ESR2: variants seen among roughly 807,000 people sequenced by gnomAD.
The protein encoded by ESR2 is estrogen receptor 2, also known as estrogen receptor beta.
Under a neutral mutation model 49.6 loss-of-function variants are expected in ESR2, and 36 were observed. The observed-to-expected ratio is 0.73, with a 90% CI of 0.56 to 0.96. The LOEUF (loss-of-function observed/expected upper bound fraction) is 0.96, where lower values mean the gene tolerates loss of function less well. ESR2 is among the 40% of genes least tolerant of loss of function. The pLI is 0.00. For missense variants in ESR2, 714 were observed against 693.0 expected, an observed-to-expected ratio of 1.03 and a Z score of -0.34; for synonymous variants, 320 against 266.1, an observed-to-expected ratio of 1.20 and a Z score of -1.97.
At position 64,230,865 on chromosome 14, in the gene ESR2, T is replaced by TTATATATATATATATATATATA. The variant is rs10589699; in HGVS notation, c.*2250_*2271dup. 1 of 125,632 alleles carries TTATATATATATATATATATATA rather than the reference T, an allele frequency of 8.0e-6. No individual in the cohort carries two copies. The highest frequency in any genetic ancestry group is 3.2e-5 in the African/African-American group (1 of 31,722). The allele number at this position is 125,632 out of a possible 1,614,324, so 7.8% of individuals were successfully genotyped here. A position where few individuals can be genotyped will look rare whatever the true frequency, so the allele number is the denominator to read the frequency against. ...AAGATCTACTCTCAAAAAAAAAAAATTATATATATATATATATATATATTT... is the reference window on the plus strand; with the variant it reads ...AAGATCTACTCTCAAAAAAAAAAAATTATATATATATATATATATATATATATATATATATATATATATATTT... On this transcript the variant is annotated 3_prime_UTR_variant, in exon 9 of 9. Coordinates refer to ENST00000341099, the MANE Select transcript of ESR2 (RefSeq NM_001437.3).
chr14:64,235,135 A>T lies in ESR2; in HGVS notation c.1241T>A (p.Val414Asp). The T allele has an allele frequency of 1.2e-6, 2 of 1,613,686 alleles. No homozygotes were observed. Among genetic ancestry groups the T allele is most frequent in the Non-Finnish European group, 1.7e-6 (2 of 1,180,008 alleles). The change falls in exon 8 of 9, where the codon GTC becomes GAC. Residue 414 changes from valine (V) to aspartate (D), a missense_variant. Transcript: ENST00000341099. The part of the protein sequence containing the change: ...ILLNSSMYPL[V>D]TATQDADSSR... Reference sequence around the variant, plus strand: ...GCTGTCAGCATCCTGGGTCGCTGTGACCAGAGGGTACATACCTGGACAAAG... The same window carrying T: ...GCTGTCAGCATCCTGGGTCGCTGTGTCCAGAGGGTACATACCTGGACAAAG...
chr14:64,337,496 C>T (rs1196895637), intron 1 of ESR2: 1 of 152,166 alleles, frequency 6.6e-6, no homozygotes, highest in Non-Finnish European at 1.5e-5. Context: ...TTACACTGTA[C>T]CTCTAAAATA....
chr14:64,250,907 T>C (rs2075973318), intron 6 of ESR2, among the ~76,000 whole-genome samples: 1 of 152,112 alleles, frequency 6.6e-6, no homozygotes, highest in African/African-American at 2.4e-5. Flanking sequence ...AGCATGCAAA[T>C]TGCTCACTTT....
chr14:64,317,686 A>G (rs1055646452), intron 1 of ESR2, among the ~76,000 whole-genome samples: 1 of 152,322 alleles, frequency 6.6e-6, no homozygotes, highest in African/African-American at 2.4e-5. Flanking sequence ...CCTTAATTCC[A>G]GAGATGCAAG....
intron 1 of ESR2, among the ~76,000 whole-genome samples, chr14:64,283,389 T>A (rs2076720026): frequency 6.6e-6 from 1 of 152,084 alleles, no homozygotes. Context: ...AAAGTTCTTA[T>A]GGAAAAATAA....
chr14:64,237,992 CATT>C (rs1185906099), intron 7 of ESR2, among the ~76,000 whole-genome samples: 2 of 152,132 alleles, frequency 1.3e-5, no homozygotes, highest in African/African-American at 2.4e-5. Flanking sequence ...AAACTAAAAA[CATT>C]GAACTGTATA....
chr14:64,230,094 C>T lies in ESR2; in HGVS notation c.*3043G>A, dbSNP rs1395957178. 2.0e-5 allele frequency among the ~76,000 whole-genome samples: 3 copies of T among 150,872 alleles called. No homozygotes were observed. Among genetic ancestry groups the T allele is most frequent in the African/African-American group, 2.4e-5 (1 of 40,980 alleles). ...AGGGCGGGAATGGGGTGGGATGGGG[C>T]ACTGTGGTGGGAGGATCGCTTGAGC... On this transcript the variant is annotated 3_prime_UTR_variant, in exon 9 of 9. Transcript: ENST00000341099.
chr14:64,260,106 A>C, intron 5 of ESR2: 1 of 504,882 alleles, frequency 2.0e-6, no homozygotes, highest in Non-Finnish European at 3.9e-6. Context: ...GACACACAGG[A>C]TAGGGTTTGT....
At chr14:64,307,651 C>CA (rs1362875844) in intron 1 of ESR2, among the ~76,000 whole-genome samples, 2 of 152,206 alleles carry the variant, frequency 1.3e-5, no homozygotes, top group Non-Finnish European at 2.9e-5. Context: ...TCTCCTGCCT[C>CA]AGCCTCCTGA....
rs905538227 is a variant in ESR2 at position 64,230,074 on chromosome 14, G to A, written c.*3063C>T. ...TGCACCCCAGCTACTCGGCGAGGGC[G>A]GGAATGGGGTGGGATGGGGCACTGT... On this transcript the variant is annotated 3_prime_UTR_variant, in exon 9 of 9. Coordinates refer to ENST00000341099, the MANE Select transcript of ESR2 (RefSeq NM_001437.3). Among the ~76,000 whole-genome samples the A allele has an allele frequency of 1.2e-4, 18 of 152,016 alleles. No individual in the cohort carries two copies. Among genetic ancestry groups the A allele is most frequent in the African/African-American group, 3.9e-4 (16 of 41,386 alleles).
At chr14:64,257,852 C>A (rs2076135320) in intron 5 of ESR2, among the ~76,000 whole-genome samples, 1 of 152,162 alleles carries the variant, frequency 6.6e-6, no homozygotes, top group South Asian at 2.1e-4. Flanking sequence ...GCAAGGATTT[C>A]TCTGATTGAT....
At position 64,319,773 on chromosome 14, in the gene ESR2, ACAC is replaced by A. The variant is rs2077303392; in HGVS notation, c.-91+18122_-91+18124del. 2.0e-5 allele frequency among the ~76,000 whole-genome samples: 3 copies of A among 152,358 alleles called. No homozygotes were observed. In the South Asian group the frequency reaches 6.2e-4, roughly 32 times the overall value. On this transcript the variant is annotated intron_variant, in intron 1 of 8. Coordinates refer to the ESR2 transcript ENST00000358599. ...ATGGCTAAAATCCAGAACACTGACA[ACAC>A]CAAATGCTGGTGAGGATGTGAGAGT...
chr14:64,246,245 CAA>C (rs1324586005), intron 7 of ESR2, among the ~76,000 whole-genome samples: 14 of 152,158 alleles, frequency 9.2e-5, no homozygotes, highest in Non-Finnish European at 1.5e-5. Context: ...CCCCATGTGT[CAA>C]GAGAGAGACC....
At chr14:64,261,405 G>A (rs1023772694) in intron 4 of ESR2, among the ~76,000 whole-genome samples, 1 of 148,958 alleles carries the variant, frequency 6.7e-6, no homozygotes, top group Non-Finnish European at 1.5e-5. Flanking sequence ...ATTTTTCCAC[G>A]TTTTATACAC....
chr14:64,280,273 G>A (rs139536188), intron 2 of ESR2, 120 bp from the exon 3 acceptor site: 24 of 733,634 alleles, frequency 3.3e-5, no homozygotes, highest in African/African-American at 1.6e-4. Context: ...AGGGTTCCTG[G>A]TAAATATATT....
Position 64,260,634 on chromosome 14 carries a change from C to G in ESR2, c.767G>C (p.Arg256Pro), listed in dbSNP as rs202146084. 1 of 1,610,158 alleles carries G rather than the reference C, an allele frequency of 6.2e-7. No homozygotes were observed. Among genetic ancestry groups the G allele is most frequent in the African/African-American group, 1.3e-5 (1 of 74,944 alleles). The change falls in exon 5 of 9, where the codon CGG (arginine) becomes CCG (proline). Residue 256 changes from arginine to proline, a missense_variant. Physicochemically the swap from Arg to Pro is moderately radical, Grantham distance 103. Coordinates refer to ENST00000341099, the MANE Select transcript of ESR2 (RefSeq NM_001437.3). Reference sequence around the variant, plus strand: ...GCTCAGGGCGTCCAGCAGCAGCTCCCGCACTCGGGGCGCGTGGCCGCCACT... The same window carrying G: ...GCTCAGGGCGTCCAGCAGCAGCTCCGGCACTCGGGGCGCGTGGCCGCCACT... The part of the protein sequence containing the change: ...KRSGGHAPRV[R>P]ELLLDALSPE...
At chr14:64,331,538 C>A (rs1320168192) in intron 1 of ESR2, among the ~76,000 whole-genome samples, 1 of 152,112 alleles carries the variant, frequency 6.6e-6, no homozygotes, top group Non-Finnish European at 1.5e-5. Context: ...GTAAAAAGAT[C>A]CTTTGGGGCC....
In ESR2 at chr14:64,230,167, A is replaced by C. The variant is rs760711033; in HGVS notation, c.*2970T>G. On this transcript the variant is annotated 3_prime_UTR_variant, in exon 9 of 9. Coordinates refer to ENST00000341099, the MANE Select transcript of ESR2 (RefSeq NM_001437.3). Reference sequence around the variant, plus strand: ...AGCCATGATGGCGCCACTGCACTCTAGCCTGAGCAACAGGAGTCAGACCCT... The same window carrying C: ...AGCCATGATGGCGCCACTGCACTCTCGCCTGAGCAACAGGAGTCAGACCCT... 6.7e-6 allele frequency among the ~76,000 whole-genome samples: 1 copy of C among 150,164 alleles called. No individual in the cohort carries two copies.
intron 3 of ESR2, among the ~76,000 whole-genome samples, chr14:64,275,051 G>GA (rs755210793): frequency 1.3e-5 from 2 of 152,192 alleles, no homozygotes; most frequent in African/African-American, 4.8e-5. Flanking sequence ...ATGTGCTGAG[G>GA]AAAAGAATGT....
Sources: gnomAD v4.1 joint callset for allele counts (sites outside exome capture counted in the v4.1 genomes callset) on GRCh38, gnomAD v4.1.1 for gene constraint, MANE v1.5 for transcripts, NCBI Gene and HGNC (gene_info 2026-07-23, HGNC 2026-07-21) for gene names.